SPHKAP: variants seen among roughly 807,000 people sequenced by gnomAD.
The protein encoded by SPHKAP is A-kinase anchor protein SPHKAP.
A neutral mutation model predicts 137.5 loss-of-function variants in SPHKAP; 67 were observed. The observed-to-expected ratio is 0.49, with a 90% CI of 0.40 to 0.60. SPHKAP has a LOEUF of 0.60. Among genes scored for constraint, SPHKAP ranks in the 20% least tolerant of loss-of-function variants. The probability of loss-of-function intolerance (pLI) is 0.00; values close to 1 mark genes in which losing one functional copy is unlikely to be tolerated. For synonymous variants in SPHKAP, 813 were observed against 785.3 expected (o/e 1.04, Z -0.59); for missense variants, 2,097 against 2,069.3 (o/e 1.01, Z -0.26).
At chr2:227,983,035 G>GC (rs528202009) in intron 11 of SPHKAP, among the ~76,000 whole-genome samples, 274 of 152,196 alleles carry the variant, frequency 1.8e-3, no homozygotes, top group Non-Finnish European at 3.2e-3. Flanking sequence ...GAGGAGGAGA[G>GC]CCTTAGTTGC....
chr2:227,983,564 G>T (rs1693088574), intron 11 of SPHKAP, among the ~76,000 whole-genome samples: 1 of 152,248 alleles, frequency 6.6e-6, no homozygotes, highest in African/African-American at 2.4e-5. Context: ...ATGCATATTT[G>T]CTGAATGACA....
intron 1 of SPHKAP, among the ~76,000 whole-genome samples, chr2:228,134,181 AGAC>A (rs1699358777): frequency 6.8e-5 from 10 of 147,138 alleles, no homozygotes; most frequent in Non-Finnish European, 1.2e-4. Context: ...GGAGGGAGGA[AGAC>A]AGAAGGAAGG....
At chr2:228,152,370 G>A (rs1430995660) in intron 1 of SPHKAP, among the ~76,000 whole-genome samples, 1 of 152,064 alleles carries the variant, frequency 6.6e-6, no homozygotes, top group Non-Finnish European at 1.5e-5. Flanking sequence ...GGCAATGTAG[G>A]TCTTTACCAT....
chr2:228,036,964 C>T (rs1358471169), intron 3 of SPHKAP, among the ~76,000 whole-genome samples: 2 of 152,064 alleles, frequency 1.3e-5, no homozygotes, highest in African/African-American at 4.8e-5. Context: ...AGCACACCAA[C>T]ATGGCACCTG....
chr2:228,035,457 C>T (rs2106247627), intron 3 of SPHKAP, among the ~76,000 whole-genome samples: 1 of 152,106 alleles, frequency 6.6e-6, no homozygotes, highest in South Asian at 2.1e-4. Flanking sequence ...CCATACTGCC[C>T]AAGGTAATTT....
intron 3 of SPHKAP, among the ~76,000 whole-genome samples, chr2:228,068,474 C>CA (rs924611604): frequency 2.0e-5 from 3 of 152,070 alleles, no homozygotes; most frequent in African/African-American, 7.2e-5. Context: ...TACCTGGCTT[C>CA]AAATTATACT....
At chr2:228,170,161 T>C (rs574181565) in intron 1 of SPHKAP, among the ~76,000 whole-genome samples, 1 of 152,186 alleles carries the variant, frequency 6.6e-6, no homozygotes, top group South Asian at 2.1e-4. Context: ...TGCAATCTCA[T>C]GATAAAACTT....
rs142960746 is a variant in SPHKAP at position 228,091,492 on chromosome 2, G to A, written c.246+17340C>T. 4.4e-3 allele frequency among the ~76,000 whole-genome samples: 677 copies of A among 152,216 alleles called. 6 individuals are homozygous for A. The highest frequency in any genetic ancestry group is 0.016 in the African/African-American group (647 of 41,506). On this transcript the variant is annotated intron_variant, in intron 3 of 11. Coordinates refer to ENST00000392056, the MANE Select transcript of SPHKAP (RefSeq NM_001142644.2). ...AGAATAAACAGACAACCCACAAAGC[G>A]GGAGAAAATCTTCACAATCTATACA...
intron 1 of SPHKAP, among the ~76,000 whole-genome samples, chr2:228,158,516 A>G (rs1312986431): frequency 6.6e-6 from 1 of 152,042 alleles, no homozygotes; most frequent in African/African-American, 2.4e-5. Flanking sequence ...TTCTCTGGCC[A>G]ATTCTATGGA....
intron 1 of SPHKAP, among the ~76,000 whole-genome samples, chr2:228,149,730 T>C (rs1699875941): frequency 6.6e-6 from 1 of 151,980 alleles, no homozygotes; most frequent in South Asian, 2.1e-4. Flanking sequence ...AATTTTCCCT[T>C]TTTTTGTGAC....
intron 9 of SPHKAP, among the ~76,000 whole-genome samples, chr2:227,992,043 G>GC (rs1693432254): frequency 6.6e-6 from 1 of 152,144 alleles, no homozygotes; most frequent in Non-Finnish European, 1.5e-5. Flanking sequence ...ACAGAACCTT[G>GC]CATGTAGTGG....
intron 1 of SPHKAP, among the ~76,000 whole-genome samples, chr2:228,158,319 C>CTTCT (rs1223887979): frequency 1.1e-4 from 13 of 118,740 alleles, no homozygotes; most frequent in South Asian, 7.9e-4. Context: ...TTGTAATTTA[C>CTTCT]TTCTTTCTTT....
intron 3 of SPHKAP, among the ~76,000 whole-genome samples, chr2:228,099,689 T>C (rs913751728): frequency 2.0e-5 from 3 of 152,130 alleles, no homozygotes; most frequent in African/African-American, 7.2e-5. Context: ...GTTTGTGTCA[T>C]CTATAATTTA....
At chr2:228,106,720 A>C (rs1338497361) in intron 3 of SPHKAP, among the ~76,000 whole-genome samples, 1 of 152,036 alleles carries the variant, frequency 6.6e-6, no homozygotes, top group East Asian at 1.9e-4. Context: ...GTTTACTTCT[A>C]TTTCTTCTGT....
At chr2:228,122,113 T>A (rs1047560517) in intron 2 of SPHKAP, among the ~76,000 whole-genome samples, 2 of 152,080 alleles carry the variant, frequency 1.3e-5, no homozygotes, top group African/African-American at 4.8e-5. Flanking sequence ...ATATTCAATG[T>A]AAACTTGTTG....
chr2:228,083,045 C>A (rs551304690), intron 3 of SPHKAP, among the ~76,000 whole-genome samples: 1 of 152,180 alleles, frequency 6.6e-6, no homozygotes, highest in Non-Finnish European at 1.5e-5. Flanking sequence ...TCATACAGAA[C>A]TTCTCAGTAC....
Position 227,993,657 on chromosome 2 carries a change from C to T in SPHKAP, c.4635-37G>A, listed in dbSNP as rs781195767. The T allele has an allele frequency of 7.2e-6, 11 of 1,517,294 alleles. No homozygotes were observed. In the South Asian group the frequency reaches 1.2e-4, roughly 17 times the overall value. The allele number at this position is 1,517,294 out of a possible 1,614,324, so 94.0% of individuals were successfully genotyped here. A position where few individuals can be genotyped will look rare whatever the true frequency, so the allele number is the denominator to read the frequency against. ...AAAGTTTACATATTAATGCCCGTCT[C>T]CACCCTCTAACATGCTGCTGACAGT... On this transcript the variant is annotated intron_variant, in intron 8 of 11. Transcript: ENST00000392056.
chr2:228,012,163 C>CAAAAAAAAAAAAAAAAAAAAAA (rs544782857), intron 7 of SPHKAP, among the ~76,000 whole-genome samples: 1 of 84,918 alleles, frequency 1.2e-5, no homozygotes, highest in African/African-American at 4.9e-5. Context: ...GACTCTACCT[C>CAAAAAAAAAAAAAAAAAAAAAA]AAAAAAAAAA....
intron 7 of SPHKAP, among the ~76,000 whole-genome samples, chr2:227,998,529 TAG>T (rs1319405952): frequency 6.6e-6 from 1 of 152,166 alleles, no homozygotes; most frequent in African/African-American, 2.4e-5. Flanking sequence ...CTTGATCTAG[TAG>T]ATGCTGGATT....
Sources: gnomAD v4.1 joint callset for allele counts (sites outside exome capture counted in the v4.1 genomes callset) on GRCh38, gnomAD v4.1.1 for gene constraint, MANE v1.5 for transcripts, NCBI Gene and HGNC (gene_info 2026-07-23, HGNC 2026-07-21) for gene names.